MED27: variants seen among roughly 807,000 people sequenced by gnomAD.
MED27 encodes the protein mediator complex subunit 27.
A neutral mutation model predicts 38.2 loss-of-function variants in MED27; 30 were observed. That is an observed-to-expected ratio of 0.79 (90% CI 0.59 to 1.07). The LOEUF (loss-of-function observed/expected upper bound fraction) is 1.07. MED27 is among the 50% of genes least tolerant of loss of function. The pLI, the probability that MED27 is intolerant of heterozygous loss-of-function variation, is 0.00. For synonymous variants in MED27, 122 were observed against 153.5 expected, an observed-to-expected ratio of 0.79 and a Z score of 1.52; for missense variants, 289 against 397.5, an observed-to-expected ratio of 0.73 and a Z score of 2.32.
At chr9:131,950,783 G>A (rs141758373) in intron 3 of MED27, among the ~76,000 whole-genome samples, 21 of 152,256 alleles carry the variant, frequency 1.4e-4, no homozygotes, top group Non-Finnish European at 2.5e-4. Context: ...TGAGGCTCAC[G>A]TCTTTAATTC....
At chr9:131,930,901 CT>C (rs1024670380) in intron 4 of MED27, among the ~76,000 whole-genome samples, 1 of 151,810 alleles carries the variant, frequency 6.6e-6, no homozygotes, top group Non-Finnish European at 1.5e-5. Flanking sequence ...GTCTTTTTGC[CT>C]TTTTTTTGTT....
intron 3 of MED27, among the ~76,000 whole-genome samples, chr9:131,983,086 T>C (rs921998417): frequency 7.2e-5 from 11 of 152,214 alleles, no homozygotes; most frequent in African/African-American, 1.2e-4. Flanking sequence ...AAGTGCCTCA[T>C]GTAATTAACG....
Position 131,953,126 on chromosome 9 carries a change from T to C in MED27, c.480-13652A>G, listed in dbSNP as rs1243206754. 2.0e-5 allele frequency among the ~76,000 whole-genome samples: 3 copies of C among 152,354 alleles called. 1 individual carries two copies. The highest frequency in any genetic ancestry group is 4.1e-4 in the South Asian group (2 of 4,826). On this transcript the variant is annotated intron_variant, in intron 3 of 7. Transcript: ENST00000292035. ...AACTGAACAACATTCATTTAATAAT[T>C]TTCCCCTGGAGTATTTTAACTGTGG...
intron 2 of MED27, among the ~76,000 whole-genome samples, chr9:132,046,391 C>T (rs1198874672): frequency 6.6e-6 from 1 of 151,604 alleles, no homozygotes; most frequent in East Asian, 1.9e-4. Flanking sequence ...ACTGGTATAG[C>T]TATTTTGGAA....
intron 4 of MED27, among the ~76,000 whole-genome samples, chr9:131,899,360 C>T (rs555527097): frequency 2.6e-4 from 39 of 152,342 alleles, no homozygotes; most frequent in African/African-American, 8.7e-4. Flanking sequence ...TGAGCGACCA[C>T]TGAGCAGAAA....
chr9:132,008,688 T>C (rs947608149), intron 3 of MED27, among the ~76,000 whole-genome samples: 7 of 152,236 alleles, frequency 4.6e-5, no homozygotes, highest in Non-Finnish European at 1.0e-4. Flanking sequence ...CCTGCATTCC[T>C]GCCACGCCTG....
Position 131,997,649 on chromosome 9 carries a change from G to A in MED27, c.479+16688C>T, listed in dbSNP as rs1013167347. 6.6e-6 allele frequency among the ~76,000 whole-genome samples: 1 copy of A among 152,138 alleles called. No individual in the cohort carries two copies. The highest frequency in any genetic ancestry group is 2.4e-5 in the African/African-American group (1 of 41,412). ...TTCCAACTCAACCTCTGCTTCCTGA[G>A]AACCTAATCCTCTGCCTTGTACTAC... On this transcript the variant is annotated intron_variant, in intron 3 of 7. Transcript: ENST00000292035. This position sits in a 1 kb window ranked among gnomAD's most constrained non-coding sequence, Gnocchi z 4.0.
chr9:132,064,164 C>T (rs887382289), intron 2 of MED27, among the ~76,000 whole-genome samples: 2 of 152,062 alleles, frequency 1.3e-5, no homozygotes, highest in Admixed American at 6.5e-5. Flanking sequence ...CTTTAAATGG[C>T]AAGGTAGATA....
At chr9:131,885,150 G>A (rs973833807) in intron 5 of MED27, among the ~76,000 whole-genome samples, 1 of 152,168 alleles carries the variant, frequency 6.6e-6, no homozygotes, top group African/African-American at 2.4e-5. Flanking sequence ...CTGAGCACCT[G>A]TTCCATGCCA....
chr9:132,046,382 C>A (rs985108877), intron 2 of MED27, among the ~76,000 whole-genome samples: 6 of 151,774 alleles, frequency 4.0e-5, no homozygotes, highest in Non-Finnish European at 8.8e-5. Flanking sequence ...GGAATATAAA[C>A]TGGTATAGCT....
rs537814745 is a variant in MED27 at position 131,944,897 on chromosome 9, TACA to T, written c.480-5426_480-5424del. Among the ~76,000 whole-genome samples, 469 of 152,116 alleles carry T rather than the reference TACA, an allele frequency of 3.1e-3. 2 individuals carry two copies. The highest frequency in any genetic ancestry group is 0.011 in the African/African-American group (436 of 41,516). On this transcript the variant is annotated intron_variant, in intron 3 of 7. Coordinates refer to ENST00000292035, the MANE Select transcript of MED27 (RefSeq NM_004269.4). ...GTATGAAAATTAAAACACATGTCTG[TACA>T]ACATTTTATATACAATCTTCTGCAG...
At chr9:131,952,623 G>A (rs1411248012) in intron 3 of MED27, among the ~76,000 whole-genome samples, 1 of 152,212 alleles carries the variant, frequency 6.6e-6, no homozygotes, top group Admixed American at 6.5e-5. Context: ...TTTGGCCAAA[G>A]GGAGATGTGG....
intron 4 of MED27, among the ~76,000 whole-genome samples, chr9:131,925,919 T>C (rs1199125386): frequency 6.6e-6 from 1 of 152,240 alleles, no homozygotes; most frequent in African/African-American, 2.4e-5. Context: ...GATGACAGTG[T>C]GTCATGAGTC....
At chr9:131,916,690 T>G (rs1272356868) in intron 4 of MED27, among the ~76,000 whole-genome samples, 1 of 152,146 alleles carries the variant, frequency 6.6e-6, no homozygotes, top group Non-Finnish European at 1.5e-5. Flanking sequence ...TGGCATGCTA[T>G]GTCATGAGGT....
chr9:132,014,205 A>C (rs1307981941), intron 3 of MED27, 132 bp downstream of exon 3: 1 of 1,018,020 alleles, frequency 9.8e-7, no homozygotes, highest in African/African-American at 1.6e-5. Flanking sequence ...TGAAAAAGTA[A>C]GACTCCGTCT....
intron 4 of MED27, among the ~76,000 whole-genome samples, chr9:131,900,904 C>T (rs1220748649): frequency 6.7e-6 from 1 of 148,346 alleles, no homozygotes; most frequent in Non-Finnish European, 1.5e-5. Flanking sequence ...TTTCCAAGTA[C>T]AGCAGAAAGA....
At chr9:131,933,589 ACT>A (rs928531691) in intron 4 of MED27, among the ~76,000 whole-genome samples, 1 of 152,054 alleles carries the variant, frequency 6.6e-6, no homozygotes, top group African/African-American at 2.4e-5. Flanking sequence ...AAACTATAAA[ACT>A]CTCATAATGA....
intron 3 of MED27, among the ~76,000 whole-genome samples, chr9:132,004,102 C>G (rs769243446): frequency 6.6e-6 from 1 of 152,176 alleles, no homozygotes; most frequent in Non-Finnish European, 1.5e-5. Context: ...GGAAACCCCC[C>G]GGGACGCAGC....
At chr9:131,955,845 A>C (rs1831085530) in intron 3 of MED27, among the ~76,000 whole-genome samples, 1 of 152,220 alleles carries the variant, frequency 6.6e-6, no homozygotes, top group Non-Finnish European at 1.5e-5. Context: ...AATTCAGAAA[A>C]CAGAGAAAAA....
Sources: gnomAD v4.1 joint callset for allele counts (sites outside exome capture counted in the v4.1 genomes callset) on GRCh38, gnomAD v4.1.1 for gene constraint, Gnocchi (gnomAD v3.1) non-coding constraint, MANE v1.5 for transcripts, NCBI Gene and HGNC (gene_info 2026-07-23, HGNC 2026-07-21) for gene names.